NR3C2: variants seen among roughly 807,000 people sequenced by gnomAD.
NR3C2 encodes nuclear receptor subfamily 3 group C member 2.
A neutral mutation model predicts 86.4 loss-of-function variants in NR3C2; 15 were observed. The ratio of observed to expected loss-of-function variants is 0.17; its 90% CI spans 0.12 to 0.27. The LOEUF (loss-of-function observed/expected upper bound fraction) is 0.27. NR3C2 is among the 10% of genes least tolerant of loss of function. The pLI, the probability that NR3C2 is intolerant of heterozygous loss-of-function variation, is 1.00. For synonymous variants in NR3C2, 458 were observed against 450.5 expected, an observed-to-expected ratio of 1.02 and a Z score of -0.21; for missense variants, 960 against 1,195.6, an observed-to-expected ratio of 0.80 and a Z score of 2.91.
At chr4:148,268,120 T>C (rs1740493919) in intron 2 of NR3C2, among the ~76,000 whole-genome samples, 1 of 152,016 alleles carries the variant, frequency 6.6e-6, no homozygotes, top group Admixed American at 6.6e-5. Context: ...TTCATATTTT[T>C]AGTAGAGATG....
chr4:148,375,179 G>C (rs1211898513), intron 2 of NR3C2, among the ~76,000 whole-genome samples: 1 of 152,146 alleles, frequency 6.6e-6, no homozygotes, highest in Non-Finnish European at 1.5e-5. Context: ...AAATCGGCTG[G>C]ATGCAGTGGC....
intron 3 of NR3C2, among the ~76,000 whole-genome samples, chr4:148,249,660 T>A (rs1739483063): frequency 6.6e-6 from 1 of 152,214 alleles, no homozygotes; most frequent in Non-Finnish European, 1.5e-5. Context: ...TTTAAATGTC[T>A]TATACCTGTA....
chr4:148,299,465 C>T (rs1437651118), intron 2 of NR3C2, among the ~76,000 whole-genome samples: 1 of 152,164 alleles, frequency 6.6e-6, no homozygotes, highest in Non-Finnish European at 1.5e-5. Context: ...CACCACCTCA[C>T]CCAACAGCCA....
intron 2 of NR3C2, among the ~76,000 whole-genome samples, chr4:148,276,215 A>G (rs1740953973): frequency 6.6e-6 from 1 of 152,124 alleles, no homozygotes; most frequent in Non-Finnish European, 1.5e-5. Context: ...GCAGTGGGGG[A>G]CACCAGAAGA....
intron 4 of NR3C2, among the ~76,000 whole-genome samples, chr4:148,162,795 G>C (rs1008134662): frequency 3.9e-5 from 6 of 152,284 alleles, no homozygotes; most frequent in African/African-American, 7.2e-5. Flanking sequence ...GTGGACAGTG[G>C]ATTGATTACG....
intron 4 of NR3C2, among the ~76,000 whole-genome samples, chr4:148,177,701 AC>A (rs2149788939): frequency 6.6e-6 from 1 of 152,316 alleles, no homozygotes; most frequent in South Asian, 2.1e-4. Flanking sequence ...CAGATACTTT[AC>A]CTAGGATGGC....
chr4:148,371,886 G>C (rs572302152), intron 2 of NR3C2, among the ~76,000 whole-genome samples: 2 of 152,096 alleles, frequency 1.3e-5, no homozygotes, highest in East Asian at 3.8e-4. Flanking sequence ...GAGGGAGACC[G>C]ACAAACTTTC....
chr4:148,255,090 C>T (rs1003855581), intron 3 of NR3C2, among the ~76,000 whole-genome samples: 2 of 152,070 alleles, frequency 1.3e-5, no homozygotes, highest in African/African-American at 4.8e-5. Context: ...CCAACACACA[C>T]CTCCCACCTG....
At chr4:148,326,332 C>T (rs533768096) in intron 2 of NR3C2, among the ~76,000 whole-genome samples, 3 of 151,922 alleles carry the variant, frequency 2.0e-5, no homozygotes, top group Non-Finnish European at 2.9e-5. Context: ...ACCCAGGAGG[C>T]GGAGCCTGCA....
intron 3 of NR3C2, among the ~76,000 whole-genome samples, chr4:148,236,537 A>G (rs1302750600): frequency 6.6e-6 from 1 of 152,118 alleles, no homozygotes; most frequent in Non-Finnish European, 1.5e-5. Flanking sequence ...TTACACTTAA[A>G]AAAAGGTCAG....
At chr4:148,378,218 C>T (rs1746777989) in intron 2 of NR3C2, among the ~76,000 whole-genome samples, 1 of 152,066 alleles carries the variant, frequency 6.6e-6, no homozygotes, top group Non-Finnish European at 1.5e-5. Context: ...AATAAGAAAA[C>T]ATTCATCCCC....
At chr4:148,119,545 G>T (rs1290293063) in intron 7 of NR3C2, among the ~76,000 whole-genome samples, 1 of 152,194 alleles carries the variant, frequency 6.6e-6, no homozygotes, top group Non-Finnish European at 1.5e-5. Flanking sequence ...TATAATCTCA[G>T]CACTTTGGGA....
At chr4:148,347,630 G>A (rs1184995320) in intron 2 of NR3C2, among the ~76,000 whole-genome samples, 3 of 152,078 alleles carry the variant, frequency 2.0e-5, no homozygotes, top group Admixed American at 2.0e-4. Context: ...TTTGCACACT[G>A]TTTCCCTACT....
At chr4:148,250,911 G>T (rs1739543180) in intron 3 of NR3C2, among the ~76,000 whole-genome samples, 1 of 152,050 alleles carries the variant, frequency 6.6e-6, no homozygotes, top group Admixed American at 6.6e-5. Context: ...TCAAGCAGGT[G>T]TCCTCAGCCT....
At chr4:148,150,792 G>A (rs1734068883) in intron 6 of NR3C2, among the ~76,000 whole-genome samples, 1 of 152,044 alleles carries the variant, frequency 6.6e-6, no homozygotes, top group Non-Finnish European at 1.5e-5. Context: ...CCACTAATGA[G>A]GACTGACTTG....
intron 2 of NR3C2, among the ~76,000 whole-genome samples, chr4:148,281,459 T>A (rs886911789): frequency 2.6e-5 from 4 of 152,222 alleles, no homozygotes; most frequent in Admixed American, 2.0e-4. Context: ...ATAATTTCAA[T>A]CACTACCAAA....
intron 3 of NR3C2, among the ~76,000 whole-genome samples, chr4:148,213,303 T>C (rs987901062): frequency 3.9e-5 from 6 of 152,062 alleles, no homozygotes; most frequent in Non-Finnish European, 8.8e-5. Context: ...TTAAAATCAG[T>C]ATAATAAAAA....
intron 2 of NR3C2, among the ~76,000 whole-genome samples, chr4:148,361,448 A>G (rs976078266): frequency 2.0e-5 from 3 of 152,366 alleles, no homozygotes; most frequent in African/African-American, 7.2e-5. Flanking sequence ...AAAGAATGAG[A>G]CTGCCAGATT....
At chr4:148,323,803 C>T (rs1050120026) in intron 2 of NR3C2, among the ~76,000 whole-genome samples, 1 of 152,150 alleles carries the variant, frequency 6.6e-6, no homozygotes, top group Non-Finnish European at 1.5e-5. Context: ...GCGATGAACC[C>T]GGTACCTCAG....
Sources: gnomAD v4.1 joint callset for allele counts (sites outside exome capture counted in the v4.1 genomes callset) on GRCh38, gnomAD v4.1.1 for gene constraint, MANE v1.5 for transcripts, NCBI Gene and HGNC (gene_info 2026-07-23, HGNC 2026-07-21) for gene names.